WWOX: variants seen among roughly 807,000 people sequenced by gnomAD.
The protein encoded by WWOX is WW domain containing oxidoreductase, also known as WW domain-containing oxidoreductase.
A neutral mutation model predicts 46.2 loss-of-function variants in WWOX; 69 were observed. That is an observed-to-expected ratio of 1.49 (90% CI 1.23 to 1.82). The LOEUF (loss-of-function observed/expected upper bound fraction) is 1.82, where lower values mean the gene tolerates loss of function less well. Ranked by LOEUF, WWOX falls within the 40% of genes most tolerant of loss-of-function variation. WWOX has a pLI of 0.00. For synonymous variants in WWOX, 359 were observed against 202.6 expected, an observed-to-expected ratio of 1.77 and a Z score of -6.56; for missense variants, 919 against 542.6, an observed-to-expected ratio of 1.69 and a Z score of -6.89.
At chr16:79,130,179 A>C (rs1261407924) in intron 8 of WWOX, among the ~76,000 whole-genome samples, 1 of 152,202 alleles carries the variant, frequency 6.6e-6, no homozygotes, top group Non-Finnish European at 1.5e-5. Context: ...TTGGGATTTC[A>C]AACCCAGAGT....
intron 8 of WWOX, among the ~76,000 whole-genome samples, chr16:78,490,503 G>T (rs1272030622): frequency 6.6e-6 from 1 of 152,136 alleles, no homozygotes; most frequent in Non-Finnish European, 1.5e-5. Context: ...TCACAAGGAG[G>T]TCACGAACAT....
intron 8 of WWOX, among the ~76,000 whole-genome samples, chr16:79,161,571 G>C (rs1320522885): frequency 6.6e-6 from 1 of 152,116 alleles, no homozygotes; most frequent in African/African-American, 2.4e-5. Context: ...TGCCCAGGCT[G>C]GAGTGCAGTG....
chr16:78,393,457 G>C (rs921749904), intron 6 of WWOX, among the ~76,000 whole-genome samples: 1 of 151,784 alleles, frequency 6.6e-6, no homozygotes, highest in African/African-American at 2.4e-5. Context: ...CCAGAAACGT[G>C]AGACCAGCCT....
At chr16:79,160,496 A>G (rs1236572902) in intron 8 of WWOX, among the ~76,000 whole-genome samples, 1 of 152,180 alleles carries the variant, frequency 6.6e-6, no homozygotes, top group Non-Finnish European at 1.5e-5. Context: ...CGATCATAGG[A>G]CTGCTCTAAG....
At chr16:78,818,798 C>A (rs547961362) in intron 8 of WWOX, among the ~76,000 whole-genome samples, 1 of 152,318 alleles carries the variant, frequency 6.6e-6, no homozygotes, top group African/African-American at 2.4e-5. Context: ...GAATTGGAGC[C>A]AGTATACGTA....
At chr16:78,463,792 T>A (rs961817426) in intron 8 of WWOX, among the ~76,000 whole-genome samples, 3 of 152,222 alleles carry the variant, frequency 2.0e-5, no homozygotes, top group African/African-American at 7.2e-5. Flanking sequence ...TATGATCAAG[T>A]AAAGAGTTTA....
At chr16:79,106,370 C>T (rs1199872679) in intron 8 of WWOX, among the ~76,000 whole-genome samples, 3 of 152,166 alleles carry the variant, frequency 2.0e-5, no homozygotes, top group Admixed American at 6.5e-5. Flanking sequence ...AGCTTGTGTT[C>T]ACACTCACCT....
In WWOX at chr16:78,455,293, TG is replaced by T. The variant is rs2083787142; in HGVS notation, c.1056+22546del. ...GGGACAAGGACGATGGACAAAGTTA[TG>T]GGGGTGCTAAAAACCTCAGTAATGA... On this transcript the variant is annotated intron_variant, in intron 8 of 8. Coordinates refer to ENST00000566780, the MANE Select transcript of WWOX (RefSeq NM_016373.4). Among the ~76,000 whole-genome samples the T allele has an allele frequency of 3.5e-5, 5 of 143,400 alleles. No homozygotes were observed. In the South Asian group the frequency reaches 1.1e-3, roughly 33 times the overall value. The allele number at this position is 143,400 out of a possible 152,430, so 94.1% of individuals were successfully genotyped here.
At chr16:79,056,573 C>T (rs902152767) in intron 8 of WWOX, among the ~76,000 whole-genome samples, 2 of 152,152 alleles carry the variant, frequency 1.3e-5, no homozygotes, top group African/African-American at 2.4e-5. Context: ...GGGATCTGCC[C>T]TGTGCATTGT....
At chr16:78,758,994 T>C (rs750450404) in intron 8 of WWOX, among the ~76,000 whole-genome samples, 1 of 151,036 alleles carries the variant, frequency 6.6e-6, no homozygotes, top group Non-Finnish European at 1.5e-5. Context: ...ATTTTAGGTG[T>C]GTTTAATTCG....
At chr16:78,838,655 A>T (rs1290053879) in intron 8 of WWOX, among the ~76,000 whole-genome samples, 1 of 152,188 alleles carries the variant, frequency 6.6e-6, no homozygotes, top group Non-Finnish European at 1.5e-5. Flanking sequence ...CAGCCTGACC[A>T]ATATAGTGAA....
intron 8 of WWOX, among the ~76,000 whole-genome samples, chr16:78,710,404 A>G (rs1396373942): frequency 1.4e-5 from 2 of 146,374 alleles, no homozygotes; most frequent in East Asian, 4.1e-4. Context: ...TCTGCTATGC[A>G]GCATTGGCCA....
intron 8 of WWOX, among the ~76,000 whole-genome samples, chr16:79,037,915 C>A (rs2047899134): frequency 6.6e-6 from 1 of 152,114 alleles, no homozygotes; most frequent in Admixed American, 6.5e-5. Flanking sequence ...GACAGGCTTT[C>A]CATCCGAGAA....
At chr16:78,779,110 C>G (rs1251911110) in intron 8 of WWOX, among the ~76,000 whole-genome samples, 1 of 152,168 alleles carries the variant, frequency 6.6e-6, no homozygotes, top group Non-Finnish European at 1.5e-5. Context: ...TTCTACATAT[C>G]TCAGTGTTGG....
intron 8 of WWOX, among the ~76,000 whole-genome samples, chr16:78,710,488 A>ATATATATATATATATATATATATATT (rs2048418795): frequency 1.5e-5 from 2 of 133,656 alleles, no homozygotes; most frequent in Non-Finnish European, 3.2e-5. Context: ...ATATATATAT[A>ATATATATATATATATATATATATATT]TATATATATA....
chr16:78,105,042 G>A (rs956418433), intron 1 of WWOX, among the ~76,000 whole-genome samples: 2 of 152,344 alleles, frequency 1.3e-5, no homozygotes, highest in South Asian at 2.1e-4. Context: ...CTTCCCCAGG[G>A]ATGGTTGTGT....
At chr16:78,849,387 C>T (rs1001968448) in intron 8 of WWOX, among the ~76,000 whole-genome samples, 12 of 151,042 alleles carry the variant, frequency 7.9e-5, no homozygotes, top group East Asian at 2.0e-4. Context: ...CTGGCTAACA[C>T]GGTGAAACCC....
chr16:78,601,759 A>C (rs1406626727), intron 8 of WWOX, among the ~76,000 whole-genome samples: 1 of 152,180 alleles, frequency 6.6e-6, no homozygotes, highest in East Asian at 1.9e-4. Flanking sequence ...GGAGACAGTA[A>C]TGGTATTGTT....
At chr16:78,530,470 C>G (rs995429303) in intron 8 of WWOX, among the ~76,000 whole-genome samples, 3 of 152,188 alleles carry the variant, frequency 2.0e-5, no homozygotes, top group African/African-American at 7.2e-5. Context: ...TGCCATCAAG[C>G]TGTTCTTCTG....
Sources: allele counts gnomAD v4.1 joint callset (sites outside exome capture counted in the v4.1 genomes callset), GRCh38; gene constraint gnomAD v4.1.1; transcripts MANE v1.5; gene names NCBI Gene and HGNC (gene_info 2026-07-23, HGNC 2026-07-21).